The following ABTB3 variants were observed in gnomAD, a reference collection of about 807,000 sequenced individuals.
The protein encoded by ABTB3 is ankyrin repeat- and BTB/POZ domain-containing protein 3.
At chr12:107,320,767 C>A in the ABTB3 span, 1 of 438,232 alleles carries the variant, frequency 2.3e-6, no homozygotes, top group Admixed American at 2.4e-5. Flanking sequence ...AGCCTCCCAG[C>A]TCTTGGCCTC....
chr12:107,321,897 C>A, the ABTB3 span, among the ~76,000 whole-genome samples: 1 of 152,146 alleles, frequency 6.6e-6, no homozygotes, highest in African/African-American at 2.4e-5. Context: ...TCTTTTTTCT[C>A]CCTCAGTATT....
the ABTB3 span, chr12:107,320,225 A>G: frequency 7.8e-7 from 1 of 1,283,088 alleles, no homozygotes; most frequent in African/African-American, 1.5e-5. Flanking sequence ...TAGCCAGAAC[A>G]AGAGGTTGCC....
At chr12:107,576,364 G>A in the ABTB3 span, among the ~76,000 whole-genome samples, 1 of 152,174 alleles carries the variant, frequency 6.6e-6, no homozygotes, top group Non-Finnish European at 1.5e-5. Context: ...TCCCCATTCT[G>A]GAGGCTGGAA....
the ABTB3 span, among the ~76,000 whole-genome samples, chr12:107,456,526 A>G: frequency 6.6e-6 from 1 of 152,214 alleles, no homozygotes; most frequent in Non-Finnish European, 1.5e-5. Flanking sequence ...AGATGGTACC[A>G]TCAAGTTGCA....
chr12:107,351,696 A>T, the ABTB3 span, among the ~76,000 whole-genome samples: 1 of 152,288 alleles, frequency 6.6e-6, no homozygotes, highest in East Asian at 1.9e-4. Flanking sequence ...GGCCCTCACC[A>T]GATGCAGCCC....
the ABTB3 span, among the ~76,000 whole-genome samples, chr12:107,514,215 G>A: frequency 1.3e-5 from 2 of 152,300 alleles, no homozygotes; most frequent in South Asian, 4.1e-4. Flanking sequence ...TGTCCCTCTT[G>A]CTCTACCCCA....
chr12:107,368,887 C>T, the ABTB3 span, among the ~76,000 whole-genome samples: 1 of 152,220 alleles, frequency 6.6e-6, no homozygotes, highest in Admixed American at 6.5e-5. Flanking sequence ...TTCTGGTTTC[C>T]ACTTCTGTGA....
At chr12:107,437,751 G>A in the ABTB3 span, among the ~76,000 whole-genome samples, 104 of 152,150 alleles carry the variant, frequency 6.8e-4, no homozygotes, top group Admixed American at 1.5e-3. Flanking sequence ...AATTGCCATT[G>A]GATTTGGGCC....
chr12:107,512,946 T>C, the ABTB3 span, among the ~76,000 whole-genome samples: 4 of 152,204 alleles, frequency 2.6e-5, no homozygotes, highest in Non-Finnish European at 2.9e-5. Context: ...TTATACTTAC[T>C]TGCCTAAAGC....
chr12:107,397,970 G>A, the ABTB3 span, among the ~76,000 whole-genome samples: 6 of 152,040 alleles, frequency 3.9e-5, no homozygotes, highest in African/African-American at 1.2e-4. Flanking sequence ...GCCTGGATAG[G>A]AATAATTCCT....
the ABTB3 span, among the ~76,000 whole-genome samples, chr12:107,623,209 C>T: frequency 1.1e-4 from 17 of 151,886 alleles, no homozygotes; most frequent in Non-Finnish European, 2.2e-4. Context: ...TATAGGCCCA[C>T]GCCACCATGC....
At chr12:107,414,111 A>AT in the ABTB3 span, among the ~76,000 whole-genome samples, 1 of 152,172 alleles carries the variant, frequency 6.6e-6, no homozygotes, top group Non-Finnish European at 1.5e-5. Flanking sequence ...GACTCGTCTA[A>AT]TTTTTTTAAT....
At chr12:107,529,411 A>G in the ABTB3 span, among the ~76,000 whole-genome samples, 5 of 151,456 alleles carry the variant, frequency 3.3e-5, no homozygotes, top group Non-Finnish European at 7.4e-5. Flanking sequence ...TGATGATGAC[A>G]GAGACGATAA....
chr12:107,563,186 A>G, the ABTB3 span, among the ~76,000 whole-genome samples: 2 of 152,242 alleles, frequency 1.3e-5, no homozygotes, highest in Non-Finnish European at 2.9e-5. Flanking sequence ...TGCTATTTTT[A>G]TCATTTTCCT....
At chr12:107,421,699 A>G in the ABTB3 span, among the ~76,000 whole-genome samples, 4 of 152,194 alleles carry the variant, frequency 2.6e-5, no homozygotes, top group African/African-American at 9.7e-5. Flanking sequence ...GCTCAGTCAA[A>G]GCAGGGAAGT....
the ABTB3 span, among the ~76,000 whole-genome samples, chr12:107,532,684 A>G: frequency 2.0e-5 from 3 of 152,240 alleles, no homozygotes; most frequent in East Asian, 5.8e-4. Context: ...ATCTCCAAAT[A>G]GATTAAACCC....
chr12:107,401,115 G>C, the ABTB3 span, among the ~76,000 whole-genome samples: 1 of 152,196 alleles, frequency 6.6e-6, no homozygotes, highest in South Asian at 2.1e-4. Context: ...TCTGAGCCTG[G>C]AGACAAATGA....
chr12:107,362,565 C>T, the ABTB3 span, among the ~76,000 whole-genome samples: 7 of 152,154 alleles, frequency 4.6e-5, 1 homozygote, highest in South Asian at 8.3e-4. Flanking sequence ...GGCCAAGGTG[C>T]GGGGGTTGCT....
the ABTB3 span, among the ~76,000 whole-genome samples, chr12:107,647,027 G>C: frequency 6.6e-6 from 1 of 152,106 alleles, no homozygotes; most frequent in Non-Finnish European, 1.5e-5. Context: ...TGAGTGGTCC[G>C]AGCATAAAAG....
Sources: gnomAD v4.1 joint callset for allele counts (sites outside exome capture counted in the v4.1 genomes callset) on GRCh38, gnomAD v4.1.1 for gene constraint, MANE v1.5 for transcripts, NCBI Gene and HGNC (gene_info 2026-07-23, HGNC 2026-07-21) for gene names.